PEA15: variants seen among roughly 807,000 people sequenced by gnomAD.
PEA15 encodes the protein proliferation and apoptosis adaptor protein 15, also known as astrocytic phosphoprotein PEA-15.
For synonymous variants in PEA15, 60 were observed against 61.8 expected (o/e 0.97, Z 0.13); for missense variants, 77 against 161.3 (o/e 0.48, Z 2.83).
chr1:160,211,830 G>GGCA lies in PEA15; in HGVS notation c.172+116_172+118dup, dbSNP rs1235151237. On this transcript the variant is annotated intron_variant, in intron 2 of 3. Transcript: ENST00000360472. ...CACAATGTGTACCCCTCTATAGCAA[G>GGCA]GCAGAAGAGAGGTGCTCTAAGAGTA... 8 of 959,740 alleles carry GGCA rather than the reference G, an allele frequency of 8.3e-6. No homozygotes were observed. The African/African-American group carries it at 1.1e-4, about 14-fold the overall frequency. The allele number at this position is 959,740 out of a possible 1,614,324, so 59.5% of individuals were successfully genotyped here.
chr1:160,207,014 ACTCT>A (rs1365495018), intron 1 of PEA15: 1 of 152,308 alleles, frequency 6.6e-6, no homozygotes, highest in African/African-American at 2.4e-5. Flanking sequence ...AGAGCGCCTC[ACTCT>A]CTCACACAGA....
intron 2 of PEA15, among the ~76,000 whole-genome samples, chr1:160,212,169 G>T (rs755831695): frequency 1.3e-5 from 2 of 152,172 alleles, no homozygotes; most frequent in Non-Finnish European, 2.9e-5. Flanking sequence ...TGCTTGGGGA[G>T]TGGGATCTAT....
rs1203923767 is a variant in PEA15 at position 160,214,066 on chromosome 1, C to G, written c.*580C>G. 1 of 157,386 alleles carries G rather than the reference C, an allele frequency of 6.4e-6. No individual in the cohort carries two copies. The highest frequency in any genetic ancestry group is 1.4e-5 in the Non-Finnish European group (1 of 70,828). The allele number at this position is 157,386 out of a possible 1,614,324, so 9.7% of individuals were successfully genotyped here. A position where few individuals can be genotyped will look rare whatever the true frequency, so the allele number is the denominator to read the frequency against. Reference sequence around the variant, plus strand: ...TCATGGGCCTAGCATAGGTATGAGCCAGGGATCCTTTCCTGGTCCCTAAGA... The same window carrying G: ...TCATGGGCCTAGCATAGGTATGAGCGAGGGATCCTTTCCTGGTCCCTAAGA... On this transcript the variant is annotated 3_prime_UTR_variant, in exon 4 of 4. Transcript: ENST00000360472.
intron 1 of PEA15, among the ~76,000 whole-genome samples, chr1:160,207,835 C>T (rs747900731): frequency 6.6e-6 from 1 of 152,166 alleles, no homozygotes; most frequent in Non-Finnish European, 1.5e-5. Flanking sequence ...CCCTTCCAAC[C>T]CCTCTGCCTC....
chr1:160,210,259 A>G (rs570740500), intron 1 of PEA15, among the ~76,000 whole-genome samples: 94 of 152,372 alleles, frequency 6.2e-4, no homozygotes, highest in African/African-American at 2.2e-3. Flanking sequence ...ATTTGCAGGC[A>G]GCCTCCGTCA....
Position 160,205,666 on chromosome 1 carries a change from G to C in PEA15, c.-3+144G>C, listed in dbSNP as rs1189849101. ...AGTCCACTTTGTGTCAGGCCTCACG[G>C]GGTCCGTCCCTCGGTCGGTGCGTCC... On this transcript the variant is annotated intron_variant, in intron 1 of 3. Coordinates refer to ENST00000360472, the MANE Select transcript of PEA15 (RefSeq NM_003768.5). This position sits in a 1 kb window ranked among gnomAD's most constrained non-coding sequence, Gnocchi z 5.9. The C allele has an allele frequency of 6.6e-6, 1 of 152,382 alleles. No individual in the cohort carries two copies. The highest frequency in any genetic ancestry group is 2.4e-5 in the African/African-American group (1 of 41,480). The allele number at this position is 152,382 out of a possible 1,614,324, so 9.4% of individuals were successfully genotyped here. A position where few individuals can be genotyped will look rare whatever the true frequency, so the allele number is the denominator to read the frequency against.
rs778847300 is a variant in PEA15, at chr1:160,213,407, C to T, written c.329-15C>T. 5.6e-6 allele frequency: 9 copies of T among 1,614,014 alleles called. No homozygotes were observed. Among genetic ancestry groups the T allele is most frequent in the African/African-American group, 1.3e-5 (1 of 74,920 alleles). Reference sequence around the variant, plus strand: ...CCACACTGCTGTCCCTGGACACATACCTTTTTGCCCCCAGACATTATCCGG... The same window carrying T: ...CCACACTGCTGTCCCTGGACACATATCTTTTTGCCCCCAGACATTATCCGG... On this transcript the variant is annotated splice_polypyrimidine_tract_variant and intron_variant, in intron 3 of 3. Coordinates refer to ENST00000360472, the MANE Select transcript of PEA15 (RefSeq NM_003768.5). The surrounding 1 kb of genome is among the most constrained non-coding windows in gnomAD (Gnocchi z 5.3).
rs1571062320 is a variant in PEA15, at chr1:160,208,357, T to G, written c.-3+2835T>G. On this transcript the variant is annotated intron_variant, in intron 1 of 3. Transcript: ENST00000360472. The surrounding 1 kb of genome is among the most constrained non-coding windows in gnomAD (Gnocchi z 4.1). ...AGAGGGAGGCAGGAAGGAAGGAAGG[T>G]GTGAGGAAGCGGTGAGCCTAGCACA... 1 of 514,374 alleles carries G rather than the reference T, an allele frequency of 1.9e-6. No individual in the cohort carries two copies. The highest frequency in any genetic ancestry group is 3.5e-6 in the Non-Finnish European group (1 of 284,736). The allele number at this position is 514,374 out of a possible 1,614,324, so 31.9% of individuals were successfully genotyped here.
chr1:160,211,418 A>G, intron 1 of PEA15, 125 bp from the exon 2 acceptor site: 1 of 1,359,474 alleles, frequency 7.4e-7, no homozygotes, highest in Non-Finnish European at 9.7e-7. Context: ...AGCCACCTCC[A>G]GCCTCCATGT....
rs1654686169 is a variant in PEA15, at chr1:160,208,174, C to T, written c.-3+2652C>T. On this transcript the variant is annotated intron_variant, in intron 1 of 3. Transcript: ENST00000360472. This position sits in a 1 kb window ranked among gnomAD's most constrained non-coding sequence, Gnocchi z 4.1. ...AATTGCCAGGCTTCTCAAAGCACTC[C>T]CAGGGCCTGGCTCTTCTTACCCCAG... 1 of 159,994 alleles carries T rather than the reference C, an allele frequency of 6.3e-6. No individual in the cohort carries two copies. Among genetic ancestry groups the T allele is most frequent in the South Asian group, 2.0e-4 (1 of 5,084 alleles). The allele number at this position is 159,994 out of a possible 1,614,324, so 9.9% of individuals were successfully genotyped here.
Position 160,215,146 on chromosome 1 carries a change from GA to G in PEA15, c.*1661del, listed in dbSNP as rs751646911. 6.6e-6 allele frequency: 1 copy of G among 152,588 alleles called. No homozygotes were observed. The highest frequency in any genetic ancestry group is 1.5e-5 in the Non-Finnish European group (1 of 68,040). 9.5% of individuals were successfully genotyped at this position (152,588 alleles called of 1,614,324 possible). A position where few individuals can be genotyped will look rare whatever the true frequency, so the allele number is the denominator to read the frequency against. On this transcript the variant is annotated 3_prime_UTR_variant, in exon 4 of 4. Coordinates refer to ENST00000360472, the MANE Select transcript of PEA15 (RefSeq NM_003768.5). Reference sequence around the variant, plus strand: ...CATTTGGGATATGTTACATTAGAGTGAGAGAGAGAATAAGGAGCCTTTCTTA... The same window carrying G: ...CATTTGGGATATGTTACATTAGAGTGGAGAGAGAATAAGGAGCCTTTCTTA...
rs1329530083 is a variant in PEA15, at chr1:160,208,053, G to A, written c.-3+2531G>A. On this transcript the variant is annotated intron_variant, in intron 1 of 3. Coordinates refer to ENST00000360472, the MANE Select transcript of PEA15 (RefSeq NM_003768.5). The surrounding 1 kb of genome is among the most constrained non-coding windows in gnomAD (Gnocchi z 4.1). ...CCTTCTCGAATTTACAGAGGATTTG[G>A]AACCAAACGTTAGAAGGGATAATCT... is the stretch of plus-strand genomic sequence containing the variant. 6.6e-6 allele frequency among the ~76,000 whole-genome samples: 1 copy of A among 152,180 alleles called. No individual in the cohort carries two copies. Among genetic ancestry groups the A allele is most frequent in the Non-Finnish European group, 1.5e-5 (1 of 68,036 alleles).
Position 160,213,545 on chromosome 1 carries a change from C to G in PEA15, c.*59C>G. 1 of 1,507,154 alleles carries G rather than the reference C, an allele frequency of 6.6e-7. No homozygotes were observed. Among genetic ancestry groups the G allele is most frequent in the Non-Finnish European group, 9.2e-7 (1 of 1,084,192 alleles). The allele number at this position is 1,507,154 out of a possible 1,614,324, so 93.4% of individuals were successfully genotyped here. ...TCATCAGACCACTCCCTTCCCCCAT[C>G]CTCCAGGAGAGGGGGCAAGGGCAAC... On this transcript the variant is annotated 3_prime_UTR_variant, in exon 4 of 4. Transcript: ENST00000360472. The surrounding 1 kb of genome is among the most constrained non-coding windows in gnomAD (Gnocchi z 5.3).
chr1:160,209,077 A>G (rs1654734288), intron 1 of PEA15, among the ~76,000 whole-genome samples: 1 of 151,946 alleles, frequency 6.6e-6, no homozygotes, highest in Non-Finnish European at 1.5e-5. Flanking sequence ...ACCCCTCTGG[A>G]TGTGAGCCTG....
In PEA15 at chr1:160,208,672, CT is replaced by C. The variant is rs1221198121; in HGVS notation, c.-2-2870del. The stretch of plus-strand genomic sequence containing the variant: ...CCAGGCCAGACCAGCCCAGGTACAA[CT>C]GTTGATCAGTGAGAATTGAGAGCAG... On this transcript the variant is annotated intron_variant, in intron 1 of 3. Transcript: ENST00000360472. This position sits in a 1 kb window ranked among gnomAD's most constrained non-coding sequence, Gnocchi z 4.1. 6.5e-7 allele frequency: 1 copy of C among 1,549,468 alleles called. No homozygotes were observed. Among genetic ancestry groups the C allele is most frequent in the Admixed American group, 2.0e-5 (1 of 51,004 alleles).
rs1465988270 is a variant in PEA15 at position 160,208,532 on chromosome 1, A to AT, written c.-2-3006dup. The AT allele has an allele frequency of 1.4e-6, 2 of 1,379,554 alleles. No homozygotes were observed. The highest frequency in any genetic ancestry group is 1.4e-5 in the African/African-American group (1 of 69,782). The allele number at this position is 1,379,554 out of a possible 1,614,324, so 85.5% of individuals were successfully genotyped here. On this transcript the variant is annotated intron_variant, in intron 1 of 3. Coordinates refer to ENST00000360472, the MANE Select transcript of PEA15 (RefSeq NM_003768.5). The surrounding 1 kb of genome is among the most constrained non-coding windows in gnomAD (Gnocchi z 4.1). The stretch of plus-strand genomic sequence containing the variant: ...CTGCACTGCTCCAGAAATCAGGAGG[A>AT]TTTTTCAGAGCCCAGAGAGCAGATT...
Position 160,213,604 on chromosome 1 carries a change from C to G in PEA15, c.*118C>G. On this transcript the variant is annotated 3_prime_UTR_variant, in exon 4 of 4. Coordinates refer to ENST00000360472, the MANE Select transcript of PEA15 (RefSeq NM_003768.5). This position sits in a 1 kb window ranked among gnomAD's most constrained non-coding sequence, Gnocchi z 5.3. ...TACCCACTTACTAACCTGGTCCTAA[C>G]CCCCTTACTGTGCGCGTGTGTGTGC... is the stretch of plus-strand genomic sequence containing the variant. 1.2e-6 allele frequency: 1 copy of G among 832,838 alleles called. No individual in the cohort carries two copies. Among genetic ancestry groups the G allele is most frequent in the Non-Finnish European group, 2.0e-6 (1 of 498,880 alleles). 51.6% of individuals were successfully genotyped at this position (832,838 alleles called of 1,614,324 possible). A position where few individuals can be genotyped will look rare whatever the true frequency, so the allele number is the denominator to read the frequency against.
chr1:160,210,965 T>C (rs625876), intron 1 of PEA15, among the ~76,000 whole-genome samples: 151,145 of 152,284 alleles, frequency 0.99, 75,024 homozygotes, highest in East Asian at 1. Context: ...ACTAGGCATC[T>C]ATCCAAAATG....
Position 160,213,640 on chromosome 1 carries a change from G to C in PEA15, c.*154G>C, listed in dbSNP as rs980704083. 1.3e-5 allele frequency: 7 copies of C among 554,946 alleles called. No homozygotes were observed. In the South Asian group the frequency reaches 1.3e-4, roughly 10 times the overall value. The allele number at this position is 554,946 out of a possible 1,614,324, so 34.4% of individuals were successfully genotyped here. On this transcript the variant is annotated 3_prime_UTR_variant, in exon 4 of 4. Transcript: ENST00000360472. This position sits in a 1 kb window ranked among gnomAD's most constrained non-coding sequence, Gnocchi z 5.3. ...TGCGCGTGTGTGTGCGTGTGCGCAC[G>C]CTCTGGCTGTTTGTCTATATGTCTA...
Sources: gnomAD v4.1 joint callset for allele counts (sites outside exome capture counted in the v4.1 genomes callset) on GRCh38, gnomAD v4.1.1 for gene constraint, Gnocchi (gnomAD v3.1) non-coding constraint, MANE v1.5 for transcripts, NCBI Gene and HGNC (gene_info 2026-07-23, HGNC 2026-07-21) for gene names.